Variants in PCLO observed in about 807,000 individuals in gnomAD.
PCLO encodes piccolo presynaptic cytomatrix protein, also known as protein piccolo.
Under a neutral mutation model 427.5 loss-of-function variants are expected in PCLO, and 82 were observed. The observed-to-expected ratio is 0.19, with a 90% CI of 0.16 to 0.23. The LOEUF (loss-of-function observed/expected upper bound fraction) is 0.23. Ranked by LOEUF, PCLO falls within the 10% of genes least tolerant of loss-of-function variation. The pLI is 1.00. For synonymous variants in PCLO, 2,357 were observed against 2,155.4 expected (o/e 1.09, Z -2.59); for missense variants, 6,239 against 6,115.9 (o/e 1.02, Z -0.67).
intron 3 of PCLO, among the ~76,000 whole-genome samples, chr7:83,075,751 T>G (rs1789935808): frequency 6.6e-6 from 1 of 152,128 alleles, no homozygotes; most frequent in Admixed American, 6.6e-5. Flanking sequence ...TATAAATACC[T>G]TGATTTAATA....
At chr7:83,096,143 A>C (rs951546320) in intron 3 of PCLO, among the ~76,000 whole-genome samples, 4 of 152,104 alleles carry the variant, frequency 2.6e-5, no homozygotes, top group Non-Finnish European at 5.9e-5. Flanking sequence ...ATTATGACTC[A>C]CACTTCATAA....
chr7:82,995,462 G>A (rs1796474006), intron 3 of PCLO, among the ~76,000 whole-genome samples: 1 of 152,000 alleles, frequency 6.6e-6, no homozygotes, highest in Admixed American at 6.6e-5. Flanking sequence ...GTGTAAGAAA[G>A]TGCTGGATTG....
At chr7:82,831,188 T>C (rs1792084389) in intron 16 of PCLO, among the ~76,000 whole-genome samples, 1 of 152,090 alleles carries the variant, frequency 6.6e-6, no homozygotes, top group African/African-American at 2.4e-5. Context: ...ATTTTATAGG[T>C]GAGAAAACTT....
chr7:82,778,778 C>T lies in PCLO; in HGVS notation c.15008-17285G>A, dbSNP rs116655719. 4.9e-3 allele frequency among the ~76,000 whole-genome samples: 738 copies of T among 151,906 alleles called. 2 individuals carry two copies. Among genetic ancestry groups the T allele is most frequent in the African/African-American group, 0.017 (704 of 41,482 alleles). On this transcript the variant is annotated intron_variant, in intron 22 of 24. Transcript: ENST00000333891. ...TCAATTTTTTTTATAAATAAAGTTT[C>T]CTGACCCTTGAGGATTTTTTCCTGG...
intron 3 of PCLO, among the ~76,000 whole-genome samples, chr7:83,030,565 C>A (rs1014613811): frequency 1.7e-4 from 26 of 152,262 alleles, no homozygotes; most frequent in African/African-American, 5.8e-4. Context: ...AAGGACCATG[C>A]AGCAGGGCTG....
At chr7:82,880,275 G>T (rs958443174) in intron 9 of PCLO, 1 of 263,946 alleles carries the variant, frequency 3.8e-6, no homozygotes, top group Admixed American at 4.3e-5. Context: ...TGCATATATG[G>T]CTCATCACTG....
chr7:82,977,614 A>G (rs1269737593), intron 3 of PCLO, among the ~76,000 whole-genome samples: 1 of 151,854 alleles, frequency 6.6e-6, no homozygotes, highest in Admixed American at 6.6e-5. Context: ...GGGTTTCACT[A>G]TGTTGGCCAG....
In PCLO at chr7:83,033,796, T is replaced by A. The variant is rs535130871; in HGVS notation, c.3301-67309A>T. 9.8e-5 allele frequency among the ~76,000 whole-genome samples: 15 copies of A among 152,310 alleles called. 1 individual carries two copies. The South Asian group carries it at 2.5e-3, about 25-fold the overall frequency. ...TCCTGTATTTTTCAATATTTTTAAA[T>A]TTGGTAGACATGTTTCTCACCACCA... On this transcript the variant is annotated intron_variant, in intron 3 of 24. Coordinates refer to ENST00000333891, the MANE Select transcript of PCLO (RefSeq NM_033026.6).
rs541911195 is a variant in PCLO at position 82,865,005 on chromosome 7, A to G, written c.13654+14332T>C. Among the ~76,000 whole-genome samples the G allele has an allele frequency of 5.9e-5, 9 of 152,268 alleles. No individual in the cohort carries two copies. The South Asian group carries it at 1.9e-3, about 32-fold the overall frequency. Reference sequence around the variant, plus strand: ...TCTAAGCACTCTAAAATATTGAGAGATTTTATTCACCTTTGTTCTCATAAA... The same window carrying G: ...TCTAAGCACTCTAAAATATTGAGAGGTTTTATTCACCTTTGTTCTCATAAA... On this transcript the variant is annotated intron_variant, in intron 10 of 24. Transcript: ENST00000333891.
At chr7:82,848,345 C>G (rs1451034982) in intron 10 of PCLO, among the ~76,000 whole-genome samples, 1 of 130,908 alleles carries the variant, frequency 7.6e-6, no homozygotes, top group Non-Finnish European at 1.6e-5. Flanking sequence ...AGGTCCCACT[C>G]TGTCGCCCAG....
At chr7:83,072,652 T>G (rs1236152533) in intron 3 of PCLO, among the ~76,000 whole-genome samples, 4 of 152,070 alleles carry the variant, frequency 2.6e-5, no homozygotes, top group African/African-American at 9.7e-5. Flanking sequence ...AATTAAGATT[T>G]GTACCAGTTT....
intron 11 of PCLO, 56 bp from the exon 12 acceptor site, chr7:82,846,690 C>A (rs182205321): frequency 7.7e-6 from 9 of 1,175,514 alleles, no homozygotes; most frequent in Non-Finnish European, 9.8e-6. Flanking sequence ...AGACAAAGAG[C>A]ACTTTTTTCC....
intron 22 of PCLO, among the ~76,000 whole-genome samples, chr7:82,763,067 A>C (rs1160800839): frequency 6.6e-6 from 1 of 152,102 alleles, no homozygotes; most frequent in East Asian, 1.9e-4. Context: ...ATGTGGCATA[A>C]GCACTTTAAG....
At chr7:83,120,952 T>G (rs1791261983) in intron 3 of PCLO, among the ~76,000 whole-genome samples, 1 of 152,200 alleles carries the variant, frequency 6.6e-6, no homozygotes, top group African/African-American at 2.4e-5. Flanking sequence ...ATTGTAACAC[T>G]GTAATTGTGG....
chr7:83,141,289 T>C (rs1049595781), intron 2 of PCLO, among the ~76,000 whole-genome samples: 1 of 152,200 alleles, frequency 6.6e-6, no homozygotes, highest in African/African-American at 2.4e-5. Flanking sequence ...CCAACTGTCT[T>C]AGATAGATGT....
chr7:82,970,866 A>C (rs1247202557), intron 3 of PCLO, among the ~76,000 whole-genome samples: 1 of 151,862 alleles, frequency 6.6e-6, no homozygotes, highest in East Asian at 1.9e-4. Context: ...TTTCCAAGAA[A>C]GTTTATTTTG....
At chr7:82,858,644 A>G (rs34502269) in intron 10 of PCLO, among the ~76,000 whole-genome samples, 39,157 of 152,048 alleles carry the variant, frequency 0.26, 5,363 homozygotes, top group Middle Eastern at 0.31. Flanking sequence ...AGCCTATACT[A>G]TACTCAGCTT....
chr7:83,124,715 T>C (rs2116576911), intron 3 of PCLO, among the ~76,000 whole-genome samples: 1 of 152,240 alleles, frequency 6.6e-6, no homozygotes, highest in South Asian at 2.1e-4. Flanking sequence ...ATGCTCTCCC[T>C]CTCCCTCTCC....
In PCLO at chr7:82,956,393, T is replaced by A. The variant is rs1033202338; in HGVS notation, c.4560A>T (p.Glu1520Asp). The change falls in exon 5 of 25, where the codon GAA becomes GAT. Residue 1520 changes from glutamate to aspartate, a missense_variant. Coordinates refer to ENST00000333891, the MANE Select transcript of PCLO (RefSeq NM_033026.6). ...YDSVEESSES[E>D]NSPVPQRKRR... ...GTTTTCTTTGTGGAACAGGTGAGTT[T>A]TCACTTTCACTACTCTCTTCAACTG... 4.5e-5 allele frequency: 73 copies of A among 1,613,530 alleles called. No homozygotes were observed. Among genetic ancestry groups the A allele is most frequent in the Non-Finnish European group, 6.2e-5 (73 of 1,179,880 alleles).
Sources: gnomAD v4.1 joint callset for allele counts (sites outside exome capture counted in the v4.1 genomes callset) on GRCh38, gnomAD v4.1.1 for gene constraint, MANE v1.5 for transcripts, NCBI Gene and HGNC (gene_info 2026-07-23, HGNC 2026-07-21) for gene names.